Variants in SGK1 observed in about 807,000 individuals in gnomAD.
SGK1 encodes serine/threonine-protein kinase Sgk1.
SGK1 carries 26 observed loss-of-function variants against 64.2 expected under a neutral mutation model. The observed-to-expected ratio is 0.40, with a 90% CI of 0.30 to 0.56. The LOEUF (loss-of-function observed/expected upper bound fraction) is 0.56, where lower values mean the gene tolerates loss of function less well. SGK1 is among the 20% of genes least tolerant of loss of function. SGK1 has a pLI of 0.38. For missense variants in SGK1, 519 were observed against 645.6 expected, an observed-to-expected ratio of 0.80 and a Z score of 2.12; for synonymous variants, 265 against 239.7, an observed-to-expected ratio of 1.11 and a Z score of -0.98.
At chr6:134,176,041 C>T in intron 3 of SGK1, 2 of 977,702 alleles carry the variant, frequency 2.0e-6, no homozygotes, top group South Asian at 4.7e-5. Flanking sequence ...TTTGTCCGTT[C>T]CGCATGTAAT....
At chr6:134,174,982 G>T in intron 3 of SGK1, 1 of 1,266,638 alleles carries the variant, frequency 7.9e-7, no homozygotes, top group Non-Finnish European at 1.1e-6. Context: ...CGGCCGCCTC[G>T]CGGTTTGCTG....
intron 2 of SGK1, among the ~76,000 whole-genome samples, chr6:134,250,948 C>T (rs1433211177): frequency 2.0e-5 from 3 of 151,924 alleles, no homozygotes; most frequent in African/African-American, 4.8e-5. Flanking sequence ...TTTATTTCAT[C>T]GTATTTTTTG....
chr6:134,295,053 T>C (rs79616302), intron 1 of SGK1, among the ~76,000 whole-genome samples: 7,178 of 152,248 alleles, frequency 0.047, 239 homozygotes, highest in Non-Finnish European at 0.071. Context: ...CAGCTAGAGA[T>C]GAGTGAAAAT....
At chr6:134,301,700 C>G (rs1582774333) in intron 1 of SGK1, among the ~76,000 whole-genome samples, 1 of 152,112 alleles carries the variant, frequency 6.6e-6, no homozygotes, top group South Asian at 2.1e-4. Flanking sequence ...AAGCGATCTT[C>G]CCACCTCAGC....
intron 1 of SGK1, among the ~76,000 whole-genome samples, chr6:134,263,520 G>C (rs1776799858): frequency 6.6e-6 from 1 of 151,776 alleles, no homozygotes; most frequent in African/African-American, 2.4e-5. Flanking sequence ...ATGAGCCACT[G>C]AATCCGGCCC....
chr6:134,188,120 T>G (rs550617547), intron 3 of SGK1, among the ~76,000 whole-genome samples: 216 of 150,088 alleles, frequency 1.4e-3, no homozygotes, highest in African/African-American at 5.0e-3. Context: ...GGCTGTTTGG[T>G]ATCCACAGAA....
At chr6:134,193,755 G>C (rs538726783) in intron 3 of SGK1, among the ~76,000 whole-genome samples, 61 of 130,050 alleles carry the variant, frequency 4.7e-4, no homozygotes, top group Non-Finnish European at 7.5e-4. Flanking sequence ...GCAAGGAACA[G>C]TTAAAAAAGA....
chr6:134,174,809 A>G (rs1477867287), intron 3 of SGK1: 1 of 1,614,074 alleles, frequency 6.2e-7, no homozygotes, highest in Non-Finnish European at 8.5e-7. Context: ...CACCGTCATC[A>G]CCACCGCGGG....
intron 2 of SGK1, among the ~76,000 whole-genome samples, chr6:134,239,460 A>G (rs1401365099): frequency 6.6e-6 from 1 of 152,248 alleles, no homozygotes; most frequent in Non-Finnish European, 1.5e-5. Context: ...CTAACCTTTC[A>G]GCAACTGATG....
chr6:134,181,346 CTTTT>C (rs1269312816), intron 3 of SGK1, among the ~76,000 whole-genome samples: 1 of 152,000 alleles, frequency 6.6e-6, no homozygotes, highest in Admixed American at 6.6e-5. Context: ...TTCTTTCTTT[CTTTT>C]TCTTTTTTTG....
chr6:134,274,381 A>G (rs1300911314), intron 1 of SGK1, among the ~76,000 whole-genome samples: 1 of 152,208 alleles, frequency 6.6e-6, no homozygotes, highest in Non-Finnish European at 1.5e-5. Flanking sequence ...AGAGTCAGGA[A>G]TGGATTAGAA....
intron 2 of SGK1, among the ~76,000 whole-genome samples, chr6:134,242,321 A>G (rs1562262484): frequency 6.6e-6 from 1 of 152,200 alleles, no homozygotes; most frequent in East Asian, 1.9e-4. Context: ...CCCTGTCTCT[A>G]CTAAAAAACA....
At chr6:134,304,280 T>C (rs957821563) in intron 1 of SGK1, among the ~76,000 whole-genome samples, 1 of 152,224 alleles carries the variant, frequency 6.6e-6, no homozygotes, top group African/African-American at 2.4e-5. Context: ...TAAATGACAG[T>C]AGCTTTTGCT....
chr6:134,185,909 C>T (rs2114659267), intron 3 of SGK1, among the ~76,000 whole-genome samples: 1 of 152,210 alleles, frequency 6.6e-6, no homozygotes, highest in South Asian at 2.1e-4. Context: ...GAGTGAGTGA[C>T]CTACCCACGG....
chr6:134,285,482 A>G lies in SGK1; in HGVS notation c.70-23334T>C, dbSNP rs1777169864. 2.0e-5 allele frequency among the ~76,000 whole-genome samples: 3 copies of G among 151,186 alleles called. No homozygotes were observed. In the South Asian group the frequency reaches 6.2e-4, roughly 31 times the overall value. Reference sequence around the variant, plus strand: ...GACAGAGTGAGACTCTGCCTCAAAAAAAAAAAAAAAAAAAGGTGGTCCCTT... The same window carrying G: ...GACAGAGTGAGACTCTGCCTCAAAAGAAAAAAAAAAAAAAGGTGGTCCCTT... On this transcript the variant is annotated intron_variant, in intron 1 of 13. Transcript: ENST00000367858.
At chr6:134,197,094 G>A (rs991333569) in intron 3 of SGK1, among the ~76,000 whole-genome samples, 9 of 151,948 alleles carry the variant, frequency 5.9e-5, no homozygotes, top group African/African-American at 1.7e-4. Flanking sequence ...TTAGCTGGGC[G>A]TGGTAGCTTA....
At chr6:134,260,814 G>A (rs1776756442) in intron 2 of SGK1, 1 of 152,064 alleles carries the variant, frequency 6.6e-6, no homozygotes, top group African/African-American at 2.4e-5. Flanking sequence ...CTGGAAAATG[G>A]TTACCTTGCT....
Position 134,227,943 on chromosome 6 carries a change from C to CTT in SGK1, c.286-20514_286-20513dup, listed in dbSNP as rs869082001. On this transcript the variant is annotated intron_variant, in intron 2 of 13. Coordinates refer to ENST00000367858, the MANE Select transcript of SGK1 (RefSeq NM_001143676.3). ...AATAGAAGACTGAATGGAATTCATT[C>CTT]TTTTTTTTTTTTTTTTTTTTTTTTT... Among the ~76,000 whole-genome samples, 295 of 69,754 alleles carry CTT rather than the reference C, an allele frequency of 4.2e-3. 30 individuals are homozygous for CTT. The highest frequency in any genetic ancestry group is 0.016 in the African/African-American group (287 of 18,126). 45.8% of individuals were successfully genotyped at this position (69,754 alleles called of 152,430 possible).
At chr6:134,295,704 G>GAA (rs375195964) in intron 1 of SGK1, among the ~76,000 whole-genome samples, 30 of 112,542 alleles carry the variant, frequency 2.7e-4, no homozygotes, top group African/African-American at 3.8e-4. Flanking sequence ...CTCCATCTCA[G>GAA]AAAAAAAAAA....
Sources: allele counts gnomAD v4.1 joint callset (sites outside exome capture counted in the v4.1 genomes callset), GRCh38; gene constraint gnomAD v4.1.1; transcripts MANE v1.5; gene names NCBI Gene and HGNC (gene_info 2026-07-23, HGNC 2026-07-21).